The following ASAP1 variants were observed in gnomAD, a reference collection of about 807,000 sequenced individuals.
ASAP1 encodes the protein ArfGAP with SH3 domain, ankyrin repeat and PH domain 1, also known as arf-GAP with SH3 domain, ANK repeat and PH domain-containing protein 1.
Under a neutral mutation model 145.2 loss-of-function variants are expected in ASAP1, and 43 were observed. The ratio of observed to expected loss-of-function variants is 0.30; its 90% CI spans 0.23 to 0.38. The LOEUF is 0.38. ASAP1 is among the 10% of genes least tolerant of loss of function. The pLI is 1.00. For missense variants in ASAP1, 1,018 were observed against 1,355.3 expected, an observed-to-expected ratio of 0.75 and a Z score of 3.91; for synonymous variants, 546 against 515.5, an observed-to-expected ratio of 1.06 and a Z score of -0.80.
chr8:130,101,716 C>T (rs183382741), intron 24 of ASAP1, among the ~76,000 whole-genome samples: 13 of 131,914 alleles, frequency 9.9e-5, no homozygotes, highest in African/African-American at 4.1e-4. Context: ...CAGGCATGTG[C>T]TACCACACCT....
At chr8:130,180,690 T>C in intron 8 of ASAP1, 61 bp downstream of exon 8, 1 of 1,557,752 alleles carries the variant, frequency 6.4e-7, no homozygotes, top group South Asian at 1.2e-5. Context: ...GACTGCTGAC[T>C]AGCAGGAAAA....
rs10568607 is a variant in ASAP1, at chr8:130,108,757, G to GTTTTTT, written c.2401+3331_2401+3336dup. ...TAATCTTGGCAAGCCTCAAAAACCA[G>GTTTTTT]TTTTTTTTTTTTTTTTTTTTTTTTT... On this transcript the variant is annotated intron_variant, in intron 24 of 29. Transcript: ENST00000518721. Among the ~76,000 whole-genome samples the GTTTTTT allele has an allele frequency of 4.1e-3, 211 of 51,580 alleles. 1 individual carries two copies. The highest frequency in any genetic ancestry group is 0.022 in the Middle Eastern group (1 of 46). The allele number at this position is 51,580 out of a possible 152,430, so 33.8% of individuals were successfully genotyped here. A position where few individuals can be genotyped will look rare whatever the true frequency, so the allele number is the denominator to read the frequency against.
intron 4 of ASAP1, among the ~76,000 whole-genome samples, 176 bp from the exon 5 acceptor site, chr8:130,214,877 ACT>A (rs1816800928): frequency 6.6e-6 from 1 of 152,036 alleles, no homozygotes; most frequent in South Asian, 2.1e-4. Context: ...AACTCACTCT[ACT>A]AAGGAAGATT....
intron 3 of ASAP1, among the ~76,000 whole-genome samples, chr8:130,314,762 T>C (rs1823566838): frequency 6.6e-6 from 1 of 152,218 alleles, no homozygotes; most frequent in African/African-American, 2.4e-5. Flanking sequence ...AAGCCACAGA[T>C]ACTAAACATT....
At chr8:130,105,267 T>A (rs1028406783) in intron 24 of ASAP1, among the ~76,000 whole-genome samples, 1 of 152,190 alleles carries the variant, frequency 6.6e-6, no homozygotes, top group Non-Finnish European at 1.5e-5. Flanking sequence ...TTACATAGCA[T>A]TTACATTGTA....
chr8:130,078,949 T>C (rs1324882845), intron 26 of ASAP1, among the ~76,000 whole-genome samples: 1 of 152,176 alleles, frequency 6.6e-6, no homozygotes, highest in Non-Finnish European at 1.5e-5. Context: ...ATCCTAGCAC[T>C]TTGGGAGGCT....
intron 3 of ASAP1, among the ~76,000 whole-genome samples, chr8:130,291,784 G>C (rs1821959675): frequency 6.6e-6 from 1 of 152,140 alleles, no homozygotes; most frequent in Non-Finnish European, 1.5e-5. Flanking sequence ...TATTTCATTA[G>C]ATCCCAAGAT....
At chr8:130,140,462 C>T (rs2097607904) in intron 13 of ASAP1, among the ~76,000 whole-genome samples, 1 of 151,724 alleles carries the variant, frequency 6.6e-6, no homozygotes. Context: ...ATTATTTTAT[C>T]ATCCAGGTAT....
intron 24 of ASAP1, among the ~76,000 whole-genome samples, chr8:130,100,013 C>T (rs2097525875): frequency 6.6e-6 from 1 of 152,124 alleles, no homozygotes; most frequent in African/African-American, 2.4e-5. Flanking sequence ...ATTTCCTTTG[C>T]ACTGGATAAA....
At chr8:130,199,814 G>C (rs1815751242) in intron 5 of ASAP1, among the ~76,000 whole-genome samples, 1 of 152,124 alleles carries the variant, frequency 6.6e-6, no homozygotes, top group Admixed American at 6.6e-5. Context: ...GGGCAGCCCT[G>C]GTCCCCAACT....
intron 4 of ASAP1, among the ~76,000 whole-genome samples, chr8:130,235,443 G>A (rs1402267380): frequency 1.3e-5 from 2 of 151,998 alleles, no homozygotes; most frequent in Non-Finnish European, 2.9e-5. Context: ...CACCTTAGAA[G>A]CCCACTTTGT....
chr8:130,238,213 C>T (rs942140269), intron 3 of ASAP1, among the ~76,000 whole-genome samples: 6 of 152,100 alleles, frequency 3.9e-5, no homozygotes, highest in Non-Finnish European at 7.4e-5. Flanking sequence ...CTGGACTCAA[C>T]GTCATTCCTC....
chr8:130,320,899 C>G (rs974852925), intron 3 of ASAP1, among the ~76,000 whole-genome samples: 51 of 152,164 alleles, frequency 3.4e-4, no homozygotes, highest in African/African-American at 1.2e-3. Flanking sequence ...GCCCAGTCTT[C>G]GGTTAAAGAC....
At chr8:130,267,605 C>T (rs983561500) in intron 3 of ASAP1, among the ~76,000 whole-genome samples, 1 of 152,166 alleles carries the variant, frequency 6.6e-6, no homozygotes, top group African/African-American at 2.4e-5. Context: ...CAGCAGAACC[C>T]CTCTCCCTTG....
At chr8:130,322,498 C>G (rs186819925) in intron 3 of ASAP1, among the ~76,000 whole-genome samples, 59 of 152,264 alleles carry the variant, frequency 3.9e-4, no homozygotes, top group Non-Finnish European at 7.1e-4. Flanking sequence ...CTGCCAAATC[C>G]TTCAGGCTGC....
chr8:130,378,554 G>A (rs1379131378), intron 2 of ASAP1, among the ~76,000 whole-genome samples: 2 of 152,242 alleles, frequency 1.3e-5, no homozygotes, highest in African/African-American at 4.8e-5. Flanking sequence ...CACGTGCAGG[G>A]AGGGATTGGA....
intron 3 of ASAP1, among the ~76,000 whole-genome samples, chr8:130,240,876 CAGGCTGCTGCAAATCAGAGAG>C (rs1309216156): frequency 2.6e-5 from 4 of 152,118 alleles, no homozygotes; most frequent in Non-Finnish European, 5.9e-5. Flanking sequence ...AGAGAAGATG[CAGGCTGCTGCAAATCAGAGAG>C]AGGCTGCTAG....
At chr8:130,149,399 T>C (rs1427707400) in intron 13 of ASAP1, among the ~76,000 whole-genome samples, 1 of 152,018 alleles carries the variant, frequency 6.6e-6, no homozygotes, top group Non-Finnish European at 1.5e-5. Context: ...AAAGAATTTA[T>C]GAATGAAATC....
chr8:130,126,126 G>T (rs746517567), intron 16 of ASAP1, 37 bp from the exon 17 acceptor site: 28 of 1,582,158 alleles, frequency 1.8e-5, no homozygotes, highest in Non-Finnish European at 2.3e-5. Flanking sequence ...AAACAAAAAA[G>T]ACATCTAATT....
Sources: gnomAD v4.1 joint callset for allele counts (sites outside exome capture counted in the v4.1 genomes callset) on GRCh38, gnomAD v4.1.1 for gene constraint, MANE v1.5 for transcripts, NCBI Gene and HGNC (gene_info 2026-07-23, HGNC 2026-07-21) for gene names.